TTC29: variants seen among roughly 807,000 people sequenced by gnomAD.
TTC29 encodes tetratricopeptide repeat domain 29.
A neutral mutation model predicts 58.1 loss-of-function variants in TTC29; 49 were observed. That is an observed-to-expected ratio of 0.84 (90% CI 0.67 to 1.07). TTC29 has a LOEUF of 1.07. Among genes scored for constraint, TTC29 ranks in the 50% least tolerant of loss-of-function variants. The probability of loss-of-function intolerance (pLI) is 0.00; values close to 1 mark genes in which losing one functional copy is unlikely to be tolerated. For missense variants in TTC29, 582 were observed against 555.6 expected, an observed-to-expected ratio of 1.05 and a Z score of -0.48; for synonymous variants, 209 against 196.8, an observed-to-expected ratio of 1.06 and a Z score of -0.52.
At chr4:146,731,285 G>A (rs1744314609) in intron 11 of TTC29, among the ~76,000 whole-genome samples, 1 of 152,070 alleles carries the variant, frequency 6.6e-6, no homozygotes. Context: ...GGAGGTATTG[G>A]AGGGTTGAAT....
intron 10 of TTC29, among the ~76,000 whole-genome samples, chr4:146,807,896 G>A (rs368280230): frequency 1.2e-4 from 18 of 152,016 alleles, no homozygotes; most frequent in Admixed American, 5.9e-4. Context: ...TTATGAGGCC[G>A]GCATCATCCT....
At chr4:146,787,876 C>T (rs1457974441) in intron 11 of TTC29, among the ~76,000 whole-genome samples, 1 of 143,602 alleles carries the variant, frequency 7.0e-6, no homozygotes, top group African/African-American at 2.7e-5. Flanking sequence ...TCCTGTCGGT[C>T]ACCAGCTGCC....
intron 8 of TTC29, among the ~76,000 whole-genome samples, chr4:146,860,750 G>A (rs149290691): frequency 1.3e-4 from 20 of 152,186 alleles, no homozygotes; most frequent in Admixed American, 2.6e-4. Flanking sequence ...CCAACAAACC[G>A]TGGGAAGTAA....
intron 4 of TTC29, among the ~76,000 whole-genome samples, chr4:146,917,598 T>C (rs1480078793): frequency 9.1e-6 from 1 of 110,086 alleles, no homozygotes; most frequent in Non-Finnish European, 1.8e-5. Flanking sequence ...TTATATACAT[T>C]ATATATTATT....
intron 9 of TTC29, among the ~76,000 whole-genome samples, chr4:146,828,292 G>C (rs960218256): frequency 7.9e-5 from 12 of 152,054 alleles, no homozygotes; most frequent in Non-Finnish European, 1.3e-4. Context: ...GAGAGAACTT[G>C]AGTATAAAAT....
Position 146,803,677 on chromosome 4 carries a change from G to A in TTC29, c.1110C>T (p.Tyr370=), listed in dbSNP as rs1329567183. 25 of 1,580,220 alleles carry A rather than the reference G, an allele frequency of 1.6e-5. No homozygotes were observed. Among genetic ancestry groups the A allele is most frequent in the Non-Finnish European group, 2.1e-5 (24 of 1,158,938 alleles). ...GCTGAAAGCATTCAGAAGCTTTGTT[G>A]TAGTATCCCTAAAAAGGTAAGAGAA... ...LGDIYNEKGY[Y]NKASECFQQA... Residue 370 remains tyrosine (Y), a synonymous_variant, in exon 11 of 13, where the codon TAC becomes TAT. Transcript: ENST00000325106.
chr4:146,943,581 T>G (rs1203961361), intron 2 of TTC29, among the ~76,000 whole-genome samples: 1 of 152,234 alleles, frequency 6.6e-6, no homozygotes, highest in Non-Finnish European at 1.5e-5. Flanking sequence ...AAGTGAATTT[T>G]GTTTCTCAGA....
intron 6 of TTC29, among the ~76,000 whole-genome samples, chr4:146,887,606 G>T (rs1732074955): frequency 6.6e-6 from 1 of 152,044 alleles, no homozygotes; most frequent in Admixed American, 6.6e-5. Context: ...TTAGGGTTTA[G>T]ACTAGATTAC....
chr4:146,803,348 T>C, intron 11 of TTC29, 109 bp downstream of exon 11: 1 of 799,252 alleles, frequency 1.3e-6, no homozygotes, highest in Non-Finnish European at 2.0e-6. Context: ...AAATTGAAAT[T>C]ACCAATCAAA....
intron 4 of TTC29, among the ~76,000 whole-genome samples, chr4:146,911,371 A>C (rs1317788122): frequency 6.6e-6 from 1 of 152,184 alleles, no homozygotes; most frequent in Admixed American, 6.5e-5. Flanking sequence ...CTGAAGGAAG[A>C]CACAGCTAAA....
At chr4:146,894,899 A>G (rs192445570) in intron 6 of TTC29, among the ~76,000 whole-genome samples, 1 of 152,174 alleles carries the variant, frequency 6.6e-6, no homozygotes, top group East Asian at 1.9e-4. Flanking sequence ...TTGCTACATA[A>G]GTAAAAGCAT....
intron 11 of TTC29, among the ~76,000 whole-genome samples, chr4:146,774,400 G>C (rs1364694758): frequency 6.6e-6 from 1 of 152,112 alleles, no homozygotes; most frequent in African/African-American, 2.4e-5. Context: ...TGCTTTAGCT[G>C]CATCCCAGAG....
At chr4:146,813,024 C>G (rs1370874990) in intron 10 of TTC29, 1 of 152,150 alleles carries the variant, frequency 6.6e-6, no homozygotes, top group Admixed American at 6.5e-5. Flanking sequence ...TCCTGATAAG[C>G]ATTCAGTGGA....
intron 4 of TTC29, among the ~76,000 whole-genome samples, chr4:146,935,136 C>T (rs982746229): frequency 1.3e-5 from 2 of 151,848 alleles, no homozygotes; most frequent in Admixed American, 6.6e-5. Flanking sequence ...GTCTTGGGAG[C>T]AGGTAAGGGG....
chr4:146,896,522 C>T (rs148607118), intron 6 of TTC29, among the ~76,000 whole-genome samples: 25 of 152,250 alleles, frequency 1.6e-4, no homozygotes, highest in African/African-American at 5.1e-4. Flanking sequence ...CTATGAATAT[C>T]TCCTTATTAA....
At chr4:146,922,327 C>T (rs915728331) in intron 4 of TTC29, among the ~76,000 whole-genome samples, 4 of 150,302 alleles carry the variant, frequency 2.7e-5, no homozygotes, top group Admixed American at 6.6e-5. Context: ...AAAATATTAA[C>T]AGTAAGTTAA....
intron 8 of TTC29, among the ~76,000 whole-genome samples, chr4:146,861,925 A>T (rs901672391): frequency 6.6e-6 from 1 of 152,178 alleles, no homozygotes; most frequent in Non-Finnish European, 1.5e-5. Flanking sequence ...ACAAGTGAGA[A>T]GATAAAATTG....
intron 6 of TTC29, among the ~76,000 whole-genome samples, chr4:146,891,735 T>A (rs761175507): frequency 6.6e-6 from 1 of 152,186 alleles, no homozygotes; most frequent in African/African-American, 2.4e-5. Flanking sequence ...GACAGAACCA[T>A]GCTGAGGCAC....
chr4:146,754,679 A>G (rs1302233405), intron 11 of TTC29, among the ~76,000 whole-genome samples: 3 of 152,212 alleles, frequency 2.0e-5, no homozygotes. Flanking sequence ...CCACAAGATT[A>G]TCTCAATTGA....
Sources: gnomAD v4.1 joint callset for allele counts (sites outside exome capture counted in the v4.1 genomes callset) on GRCh38, gnomAD v4.1.1 for gene constraint, MANE v1.5 for transcripts, NCBI Gene and HGNC (gene_info 2026-07-23, HGNC 2026-07-21) for gene names.